Variants in CCSER1 observed in about 807,000 individuals in gnomAD.
The protein encoded by CCSER1 is serine-rich coiled-coil domain-containing protein 1.
In CCSER1, 41 loss-of-function variants were observed where a neutral mutation model predicts 82.0. That is an observed-to-expected ratio of 0.50 (90% CI 0.39 to 0.65). The LOEUF (loss-of-function observed/expected upper bound fraction) is 0.65. Ranked by LOEUF, CCSER1 falls within the 30% of genes least tolerant of loss-of-function variation. CCSER1 has a pLI of 0.00. For synonymous variants in CCSER1, 414 were observed against 383.9 expected (o/e 1.08, Z -0.92); for missense variants, 1,119 against 1,064.2 (o/e 1.05, Z -0.72).
chr4:90,287,927 A>T (rs1016107563), intron 1 of CCSER1, among the ~76,000 whole-genome samples: 28 of 151,930 alleles, frequency 1.8e-4, no homozygotes, highest in Non-Finnish European at 3.5e-4. Context: ...AAAACAACAA[A>T]CCAACAACTT....
intron 10 of CCSER1, among the ~76,000 whole-genome samples, chr4:91,432,954 G>T (rs72656198): frequency 1.7e-3 from 262 of 152,112 alleles, no homozygotes; most frequent in Non-Finnish European, 3.0e-3. Flanking sequence ...TATGTATGAG[G>T]TACTATATCA....
intron 7 of CCSER1, among the ~76,000 whole-genome samples, chr4:90,757,185 A>G (rs1749667639): frequency 6.6e-6 from 1 of 152,218 alleles, no homozygotes; most frequent in Non-Finnish European, 1.5e-5. Context: ...GCTTTTGTTT[A>G]TGATTCTGGA....
chr4:91,251,663 T>G (rs1357491470), intron 10 of CCSER1, among the ~76,000 whole-genome samples: 2 of 152,190 alleles, frequency 1.3e-5, no homozygotes, highest in Non-Finnish European at 2.9e-5. Flanking sequence ...AATTATCTAA[T>G]TTAAGCAAGC....
At chr4:91,069,302 T>C (rs1244225220) in intron 9 of CCSER1, among the ~76,000 whole-genome samples, 1 of 152,214 alleles carries the variant, frequency 6.6e-6, no homozygotes, top group African/African-American at 2.4e-5. Flanking sequence ...TCTCAGAGTT[T>C]TTGGTGATTT....
At position 91,257,536 on chromosome 4, in the gene CCSER1, T is replaced by G. The variant is rs1479121247; in HGVS notation, c.2217+171542T>G. Among the ~76,000 whole-genome samples the G allele has an allele frequency of 2.4e-5, 3 of 127,242 alleles. No homozygotes were observed. The East Asian group carries it at 6.7e-4, about 28-fold the overall frequency. 83.5% of individuals were successfully genotyped at this position (127,242 alleles called of 152,430 possible). A position where few individuals can be genotyped will look rare whatever the true frequency, so the allele number is the denominator to read the frequency against. ...GTATATCTAGAAACATATCCTAATG[T>G]AAAATGGGCAACTAACTGTTTATTC... On this transcript the variant is annotated intron_variant, in intron 10 of 10. Coordinates refer to ENST00000509176, the MANE Select transcript of CCSER1 (RefSeq NM_001145065.2).
chr4:91,400,345 G>A (rs541272545), intron 10 of CCSER1, among the ~76,000 whole-genome samples: 7 of 151,566 alleles, frequency 4.6e-5, no homozygotes, highest in African/African-American at 1.5e-4. Flanking sequence ...AAGTTAAGTA[G>A]TACTAAGAAG....
At chr4:91,131,673 T>C (rs1051585626) in intron 10 of CCSER1, among the ~76,000 whole-genome samples, 2 of 152,094 alleles carry the variant, frequency 1.3e-5, no homozygotes, top group African/African-American at 4.8e-5. Flanking sequence ...GATAGATAGA[T>C]AGATCTTGCA....
rs202141210 is a variant in CCSER1 at position 91,045,486 on chromosome 4, C to A, written c.2173-40464C>A. Among the ~76,000 whole-genome samples, 5 of 62,450 alleles carry A rather than the reference C, an allele frequency of 8.0e-5. No individual in the cohort carries two copies. The Admixed American group carries it at 9.6e-4, about 12-fold the overall frequency. 41.0% of individuals were successfully genotyped at this position (62,450 alleles called of 152,430 possible). Reference sequence around the variant, plus strand: ...ATTCTTCATTATCCCTTAACAATAACTAGTGTTTATTCATATAAAATATCA... The same window carrying A: ...ATTCTTCATTATCCCTTAACAATAAATAGTGTTTATTCATATAAAATATCA... On this transcript the variant is annotated intron_variant, in intron 9 of 10. Transcript: ENST00000509176.
chr4:90,211,264 G>T (rs1182545223), intron 1 of CCSER1, among the ~76,000 whole-genome samples: 2 of 152,256 alleles, frequency 1.3e-5, no homozygotes, highest in African/African-American at 4.8e-5. Flanking sequence ...CCAGAAATTT[G>T]TGGGTTTCTT....
At chr4:90,812,895 C>A (rs1758535258) in intron 7 of CCSER1, among the ~76,000 whole-genome samples, 1 of 152,134 alleles carries the variant, frequency 6.6e-6, no homozygotes, top group African/African-American at 2.4e-5. Flanking sequence ...GATCCAATCA[C>A]CTCCCACCAG....
chr4:91,568,454 T>TG, intron 10 of CCSER1, among the ~76,000 whole-genome samples: 1 of 152,208 alleles, frequency 6.6e-6, no homozygotes, highest in Non-Finnish European at 1.5e-5. Context: ...CCAAGTTGTT[T>TG]GCTTTCTACC....
chr4:90,749,655 T>C (rs1190775006), intron 7 of CCSER1, among the ~76,000 whole-genome samples: 1 of 152,146 alleles, frequency 6.6e-6, no homozygotes, highest in Non-Finnish European at 1.5e-5. Flanking sequence ...CGATATTGAT[T>C]CTTCCTACCC....
chr4:91,465,466 T>C (rs2149437070), intron 10 of CCSER1, among the ~76,000 whole-genome samples: 1 of 151,950 alleles, frequency 6.6e-6, no homozygotes, highest in Middle Eastern at 3.4e-3. Context: ...AGCAAACATA[T>C]TCAAAAGCTA....
chr4:91,514,923 T>C (rs980192881), intron 10 of CCSER1, among the ~76,000 whole-genome samples: 1 of 152,172 alleles, frequency 6.6e-6, no homozygotes, highest in African/African-American at 2.4e-5. Flanking sequence ...TTCAACTTAA[T>C]AGTTGGATGA....
chr4:90,543,823 A>T (rs1247782318), intron 5 of CCSER1, among the ~76,000 whole-genome samples: 1 of 152,154 alleles, frequency 6.6e-6, no homozygotes, highest in African/African-American at 2.4e-5. Context: ...TCTAATTAAT[A>T]AATATTTTTG....
At chr4:90,134,584 G>C (rs1034140003) in intron 1 of CCSER1, among the ~76,000 whole-genome samples, 3 of 152,190 alleles carry the variant, frequency 2.0e-5, no homozygotes, top group Non-Finnish European at 4.4e-5. Flanking sequence ...TGCAGAGAAA[G>C]TTCAGACATT....
chr4:90,697,978 T>C (rs528198483), intron 6 of CCSER1, among the ~76,000 whole-genome samples: 11 of 152,280 alleles, frequency 7.2e-5, no homozygotes, highest in Admixed American at 2.0e-4. Flanking sequence ...TACTTAACTG[T>C]TGAAATCATT....
chr4:91,078,554 T>A (rs755356591), intron 9 of CCSER1, among the ~76,000 whole-genome samples: 1 of 152,114 alleles, frequency 6.6e-6, no homozygotes, highest in African/African-American at 2.4e-5. Context: ...TCGCCAGCAA[T>A]GGAACAAAGC....
At chr4:90,969,619 G>A (rs1265463126) in intron 9 of CCSER1, among the ~76,000 whole-genome samples, 1 of 151,898 alleles carries the variant, frequency 6.6e-6, no homozygotes, top group Non-Finnish European at 1.5e-5. Context: ...TCTATAAAAT[G>A]TCTAACAAAA....
Sources: gnomAD v4.1 joint callset for allele counts (sites outside exome capture counted in the v4.1 genomes callset) on GRCh38, gnomAD v4.1.1 for gene constraint, MANE v1.5 for transcripts, NCBI Gene and HGNC (gene_info 2026-07-23, HGNC 2026-07-21) for gene names.